CEP68: variants seen among roughly 807,000 people sequenced by gnomAD.
The protein encoded by CEP68 is centrosomal protein of 68 kDa.
CEP68 carries 26 observed loss-of-function variants against 55.3 expected under a neutral mutation model. The observed-to-expected ratio is 0.47, with a 90% CI of 0.34 to 0.65. CEP68 has a LOEUF of 0.65. Among genes scored for constraint, CEP68 ranks in the 30% least tolerant of loss-of-function variants. CEP68 has a pLI of 0.01. For missense variants in CEP68, 957 were observed against 946.7 expected (o/e 1.01, Z -0.14); for synonymous variants, 402 against 383.2 (o/e 1.05, Z -0.57).
intron 1 of CEP68, among the ~76,000 whole-genome samples, chr2:65,067,403 G>C (rs1020386498): frequency 1.3e-5 from 2 of 151,932 alleles, no homozygotes; most frequent in Non-Finnish European, 2.9e-5. Flanking sequence ...AAAAGTGGGG[G>C]AAGGATGAAC....
rs58316725 is a variant in CEP68, at chr2:65,072,093, G to A, written c.997G>A (p.Gly333Arg). 4 of 1,613,882 alleles carry A rather than the reference G, an allele frequency of 2.5e-6. No individual in the cohort carries two copies. Among genetic ancestry groups the A allele is most frequent in the South Asian group, 2.2e-5 (2 of 91,076 alleles). Residue 333 changes from glycine to arginine, a missense_variant, in exon 3 of 7, where the codon GGG becomes AGG. Coordinates refer to ENST00000377990, the MANE Select transcript of CEP68 (RefSeq NM_015147.3). ...AGCTGACCCTGTCCTGCAGGACTCCGGGGTAGACCTGGATAGCTTCTCTGT... is the reference window on the plus strand; with the variant it reads ...AGCTGACCCTGTCCTGCAGGACTCCAGGGTAGACCTGGATAGCTTCTCTGT... Reference protein sequence around the residue: ...VPADPVLQDSGVDLDSFSVSP... With the variant: ...VPADPVLQDSRVDLDSFSVSP...
intron 1 of CEP68, among the ~76,000 whole-genome samples, chr2:65,064,894 A>C (rs1676087903): frequency 6.6e-6 from 1 of 152,166 alleles, no homozygotes; most frequent in African/African-American, 2.4e-5. Context: ...TTTCTTAATG[A>C]GCCACAAGGT....
At position 65,074,277 on chromosome 2, in the gene CEP68, T is replaced by C. The variant is rs373587824; in HGVS notation, c.1885-5T>C. 2 of 1,614,102 alleles carry C rather than the reference T, an allele frequency of 1.2e-6. No homozygotes were observed. The highest frequency in any genetic ancestry group is 2.7e-5 in the African/African-American group (2 of 75,070). The stretch of plus-strand genomic sequence containing the variant: ...CACCATGTGTCCTTTTATTTGTCTC[T>C]GCAGACATTTTGCTGTCAGCTGGAA... On this transcript the variant is annotated splice_polypyrimidine_tract_variant and splice_region_variant and intron_variant, in intron 3 of 6. Transcript: ENST00000377990.
intron 5 of CEP68, among the ~76,000 whole-genome samples, chr2:65,080,760 G>A (rs536439995): frequency 2.0e-5 from 3 of 152,308 alleles, no homozygotes; most frequent in South Asian, 2.1e-4. Flanking sequence ...AGAGGTTGCA[G>A]TGAGCCGAGA....
In CEP68 at chr2:65,071,442, T is replaced by C. The variant is rs760374229; in HGVS notation, c.358-12T>C. On this transcript the variant is annotated splice_polypyrimidine_tract_variant and intron_variant, in intron 2 of 6. Transcript: ENST00000377990. ...TTTACCCAAGTGCTTTTTGTCCCTTTGATCATTGCAGGTGGAGAAGACCAA... is the reference window on the plus strand; with the variant it reads ...TTTACCCAAGTGCTTTTTGTCCCTTCGATCATTGCAGGTGGAGAAGACCAA... 4 of 1,608,136 alleles carry C rather than the reference T, an allele frequency of 2.5e-6. No homozygotes were observed. The highest frequency in any genetic ancestry group is 3.4e-6 in the Non-Finnish European group (4 of 1,175,572).
At chr2:65,056,712 G>T (rs1425816040) in intron 1 of CEP68, among the ~76,000 whole-genome samples, 184 bp downstream of exon 1, 2 of 151,990 alleles carry the variant, frequency 1.3e-5, no homozygotes, top group Non-Finnish European at 2.9e-5. Flanking sequence ...AAGGCTCCCT[G>T]GGGGGCGGGG....
At position 65,058,313 on chromosome 2, in the gene CEP68, C is replaced by T. The variant is rs140296724; in HGVS notation, c.-47+1785C>T. ...CTCAACCTCCTGGGGTCGAGTCCCT[C>T]TCACCTCAGCCTCCCAAGTAGCTGG... is the stretch of plus-strand genomic sequence containing the variant. On this transcript the variant is annotated intron_variant, in intron 1 of 6. Transcript: ENST00000377990. 1.3e-3 allele frequency among the ~76,000 whole-genome samples: 204 copies of T among 152,032 alleles called. 1 individual carries two copies. The highest frequency in any genetic ancestry group is 4.9e-3 in the African/African-American group (202 of 41,476).
At chr2:65,071,151 C>T in intron 2 of CEP68, 2 of 404,772 alleles carry the variant, frequency 4.9e-6, no homozygotes, top group South Asian at 3.0e-5. Flanking sequence ...GGACTGTTTT[C>T]CAGCTTCAGC....
chr2:65,057,022 C>CGTGGATGCGGCA (rs111524356), intron 1 of CEP68, among the ~76,000 whole-genome samples: 1 of 151,896 alleles, frequency 6.6e-6, no homozygotes, highest in Non-Finnish European at 1.5e-5. Context: ...TTCTTATCGC[C>CGTGGATGCGGCA]GCGCCCAGAT....
chr2:65,082,697 G>C lies in CEP68; in HGVS notation c.2266G>C (p.Gly756Arg). Residue 756 changes from glycine (G) to arginine (R), a missense_variant, in exon 6 of 7, where the codon GGG (glycine) becomes CGG (arginine). Physicochemically the swap from Gly to Arg is moderately radical, Grantham distance 125. Coordinates refer to ENST00000377990, the MANE Select transcript of CEP68 (RefSeq NM_015147.3). ...PMAAMEHPCE[G>R]V ...GGCGGCAATGGAGCACCCATGTGAA[G>C]GGGTTTAACCTGGTAAGTGGAGGAA... 6.3e-7 allele frequency: 1 copy of C among 1,590,754 alleles called. No homozygotes were observed. The highest frequency in any genetic ancestry group is 8.5e-7 in the Non-Finnish European group (1 of 1,172,252).
chr2:65,072,506 G>A lies in CEP68; in HGVS notation c.1410G>A (p.Trp470Ter). Residue 470 changes from tryptophan (W) to a stop codon, truncating the protein, a stop_gained, in exon 3 of 7, where the codon TGG (tryptophan) becomes TGA (stop). Coordinates refer to ENST00000377990, the MANE Select transcript of CEP68 (RefSeq NM_015147.3). LOFTEE classifies it high-confidence loss of function. ...ARRPTCTESRWKSEEEVESDD... is the reference protein window; with the variant it reads ...ARRPTCTESR ...GCCCTACCTGCACAGAGTCTAGGTGGAAATCAGAAGAGGAAGTGGAAAGTG... is the reference window on the plus strand; with the variant it reads ...GCCCTACCTGCACAGAGTCTAGGTGAAAATCAGAAGAGGAAGTGGAAAGTG... The A allele has an allele frequency of 6.2e-7, 1 of 1,614,156 alleles. No individual in the cohort carries two copies. Among genetic ancestry groups the A allele is most frequent in the Non-Finnish European group, 8.5e-7 (1 of 1,180,038 alleles).
Position 65,072,413 on chromosome 2 carries a change from G to C in CEP68, c.1317G>C (p.Arg439Ser), listed in dbSNP as rs1291955568. ...KHLDMGSPQL[R>S]TRDRGWPSPR... Reference sequence around the variant, plus strand: ...TTGATATGGGCTCTCCCCAGCTAAGGACACGGGACAGAGGGTGGCCCTCGC... The same window carrying C: ...TTGATATGGGCTCTCCCCAGCTAAGCACACGGGACAGAGGGTGGCCCTCGC... Residue 439 changes from arginine (R) to serine (S), a missense_variant, in exon 3 of 7, where the codon AGG becomes AGC. Transcript: ENST00000377990. 2 of 1,614,040 alleles carry C rather than the reference G, an allele frequency of 1.2e-6. No individual in the cohort carries two copies. Among genetic ancestry groups the C allele is most frequent in the East Asian group, 4.5e-5 (2 of 44,882 alleles).
At chr2:65,063,112 G>T (rs1461276262) in intron 1 of CEP68, among the ~76,000 whole-genome samples, 1 of 152,202 alleles carries the variant, frequency 6.6e-6, no homozygotes, top group Non-Finnish European at 1.5e-5. Context: ...ATTTGTGGGC[G>T]TATTTTTACT....
In CEP68 at chr2:65,071,696, T is replaced by C. The variant is rs1218089517; in HGVS notation, c.600T>C (p.Ala200=). The C allele has an allele frequency of 6.2e-7, 1 of 1,614,138 alleles. No homozygotes were observed. Among genetic ancestry groups the C allele is most frequent in the African/African-American group, 1.3e-5 (1 of 75,040 alleles). The change falls in exon 3 of 7, where the codon GCT becomes GCC. Residue 200 remains alanine (A), a synonymous_variant. Coordinates refer to ENST00000377990, the MANE Select transcript of CEP68 (RefSeq NM_015147.3). ...AGCCTTCCAGCTGCAGCATCTCTGC[T>C]TCCTCCACAGGCAGCAGTCTCCAGG... ...AAQPSSCSIS[A]SSTGSSLQGH...
chr2:65,059,881 T>C (rs1197569445), intron 1 of CEP68, among the ~76,000 whole-genome samples: 1 of 152,188 alleles, frequency 6.6e-6, no homozygotes, highest in African/African-American at 2.4e-5. Flanking sequence ...GATAGTGAAG[T>C]GCTAACCCTA....
chr2:65,062,262 G>A (rs571868082), intron 1 of CEP68, among the ~76,000 whole-genome samples: 2 of 152,308 alleles, frequency 1.3e-5, no homozygotes, highest in African/African-American at 4.8e-5. Context: ...GGCCAGGTGC[G>A]GTGACTCCCG....
chr2:65,065,512 C>G (rs895518378), intron 1 of CEP68, among the ~76,000 whole-genome samples: 5 of 152,166 alleles, frequency 3.3e-5, no homozygotes, highest in African/African-American at 9.7e-5. Flanking sequence ...ATAACGAAAC[C>G]AATTTTACCA....
chr2:65,069,913 TGGAG>T, intron 2 of CEP68, 112 bp downstream of exon 2: 1 of 964,320 alleles, frequency 1.0e-6, no homozygotes, highest in East Asian at 2.4e-5. Context: ...GGTGAGGAAT[TGGAG>T]GGGCCTGAGT....
At chr2:65,081,305 ACT>A (rs1339707473) in intron 5 of CEP68, among the ~76,000 whole-genome samples, 5 of 151,730 alleles carry the variant, frequency 3.3e-5, no homozygotes, top group Non-Finnish European at 7.4e-5. Flanking sequence ...CCTCTGCCAC[ACT>A]CTGCCAACTC....
Sources: gnomAD v4.1 joint callset for allele counts (sites outside exome capture counted in the v4.1 genomes callset) on GRCh38, gnomAD v4.1.1 for gene constraint, MANE v1.5 for transcripts, NCBI Gene and HGNC (gene_info 2026-07-23, HGNC 2026-07-21) for gene names.